CNTN5: variants seen among roughly 807,000 people sequenced by gnomAD.
CNTN5 encodes contactin-5.
Under a neutral mutation model 129.1 loss-of-function variants are expected in CNTN5, and 77 were observed. That is an observed-to-expected ratio of 0.60 (90% confidence interval 0.50 to 0.72). The LOEUF (loss-of-function observed/expected upper bound fraction) is 0.72. Among genes scored for constraint, CNTN5 ranks in the 30% least tolerant of loss-of-function variants. The pLI is 0.00. For missense variants in CNTN5, 1,478 were observed against 1,328.8 expected (o/e 1.11, Z -1.75); for synonymous variants, 509 against 465.6 (o/e 1.09, Z -1.20).
chr11:99,141,717 T>C (rs750300684), intron 1 of CNTN5, among the ~76,000 whole-genome samples: 1 of 152,200 alleles, frequency 6.6e-6, no homozygotes, highest in Non-Finnish European at 1.5e-5. Flanking sequence ...TAGTTTTAAA[T>C]AATGTCTTGA....
chr11:100,244,515 C>T (rs1341674181), intron 16 of CNTN5, among the ~76,000 whole-genome samples: 2 of 152,144 alleles, frequency 1.3e-5, no homozygotes, highest in African/African-American at 4.8e-5. Flanking sequence ...CTTTTTATTT[C>T]TATCTTCACA....
In CNTN5 at chr11:99,676,461, C is replaced by G. The variant is rs767065108; in HGVS notation, c.55+120192C>G. Among the ~76,000 whole-genome samples, 94 of 152,234 alleles carry G rather than the reference C, an allele frequency of 6.2e-4. 2 individuals are homozygous for G. The highest frequency in any genetic ancestry group is 2.8e-4 in the Non-Finnish European group (19 of 68,010). On this transcript the variant is annotated intron_variant, in intron 3 of 24. Transcript: ENST00000524871. ...CATTATGGGATTTTTCCAAGAAATA[C>G]ATTTCTTTCTCATAGGCCCCTCACC...
rs1393039984 is a variant in CNTN5, at chr11:99,636,080, G to A, written c.55+79811G>A. Among the ~76,000 whole-genome samples the A allele has an allele frequency of 2.2e-5, 3 of 134,288 alleles. No homozygotes were observed. The East Asian group carries it at 6.4e-4, about 29-fold the overall frequency. The allele number at this position is 134,288 out of a possible 152,430, so 88.1% of individuals were successfully genotyped here. On this transcript the variant is annotated intron_variant, in intron 3 of 24. Transcript: ENST00000524871. ...ACTGAAGTAGAAAACTATATAACTAGGAAAGCATTTTTTTTTAATGTTCTG... is the reference window on the plus strand; with the variant it reads ...ACTGAAGTAGAAAACTATATAACTAAGAAAGCATTTTTTTTTAATGTTCTG...
At chr11:99,740,429 T>G (rs1261884146) in intron 3 of CNTN5, among the ~76,000 whole-genome samples, 1 of 152,220 alleles carries the variant, frequency 6.6e-6, no homozygotes, top group Non-Finnish European at 1.5e-5. Context: ...TGGTAATGCA[T>G]TCTATAAATA....
At chr11:99,316,417 A>G (rs1166477061) in intron 1 of CNTN5, among the ~76,000 whole-genome samples, 3 of 152,216 alleles carry the variant, frequency 2.0e-5, no homozygotes, top group Non-Finnish European at 4.4e-5. Flanking sequence ...AGTAAATTCT[A>G]GAATTTCTTA....
chr11:99,170,338 A>G (rs78217644), intron 1 of CNTN5, among the ~76,000 whole-genome samples: 3 of 152,160 alleles, frequency 2.0e-5, no homozygotes, highest in African/African-American at 7.2e-5. Context: ...TCGCAGTCAG[A>G]TGTGTACCAA....
Position 99,844,840 on chromosome 11 carries a change from T to C in CNTN5, c.278-12T>C. 1 of 1,605,210 alleles carries C rather than the reference T, an allele frequency of 6.2e-7. No individual in the cohort carries two copies. The highest frequency in any genetic ancestry group is 8.5e-7 in the Non-Finnish European group (1 of 1,176,336). The stretch of plus-strand genomic sequence containing the variant: ...TAAGGAAATTTAAAATGTGTCTGTT[T>C]TGTCTTTACAGAAAGTGTGGACTAT... On this transcript the variant is annotated splice_polypyrimidine_tract_variant and intron_variant, in intron 4 of 24. Coordinates refer to ENST00000524871, the MANE Select transcript of CNTN5 (RefSeq NM_014361.4).
intron 1 of CNTN5, among the ~76,000 whole-genome samples, chr11:99,177,840 A>G (rs1249324460): frequency 6.6e-6 from 1 of 152,214 alleles, no homozygotes; most frequent in African/African-American, 2.4e-5. Context: ...TGAATTCAGC[A>G]AAGTCATATA....
chr11:99,689,126 G>A (rs1218596524), intron 3 of CNTN5, among the ~76,000 whole-genome samples: 1 of 152,122 alleles, frequency 6.6e-6, no homozygotes, highest in Non-Finnish European at 1.5e-5. Context: ...ATACCCAGTA[G>A]TGGGATTGCT....
chr11:100,264,837 A>C (rs1950270725), intron 17 of CNTN5, among the ~76,000 whole-genome samples: 1 of 152,172 alleles, frequency 6.6e-6, no homozygotes, highest in Non-Finnish European at 1.5e-5. Context: ...GAGCTAATTT[A>C]CATTCCCACC....
intron 1 of CNTN5, among the ~76,000 whole-genome samples, chr11:99,052,157 T>C (rs753974465): frequency 6.6e-6 from 1 of 151,874 alleles, no homozygotes; most frequent in African/African-American, 2.4e-5. Context: ...GGATATTGTA[T>C]GCATGTTACA....
At chr11:99,688,537 T>A (rs1251127835) in intron 3 of CNTN5, among the ~76,000 whole-genome samples, 1 of 152,196 alleles carries the variant, frequency 6.6e-6, no homozygotes, top group African/African-American at 2.4e-5. Flanking sequence ...TCGTGTAAAC[T>A]ACTCTATGTG....
chr11:100,193,119 T>G (rs1400140657), intron 14 of CNTN5, among the ~76,000 whole-genome samples: 1 of 151,976 alleles, frequency 6.6e-6, no homozygotes, highest in Non-Finnish European at 1.5e-5. Context: ...ACCTTTTTAT[T>G]GTAAAAAATC....
At chr11:100,025,493 G>A (rs542024499) in intron 9 of CNTN5, among the ~76,000 whole-genome samples, 5 of 152,208 alleles carry the variant, frequency 3.3e-5, no homozygotes, top group East Asian at 3.9e-4. Context: ...TGTGAGAAGC[G>A]GTTCACTGTC....
intron 3 of CNTN5, among the ~76,000 whole-genome samples, chr11:99,697,235 T>C (rs1954309358): frequency 1.3e-5 from 2 of 151,872 alleles, no homozygotes; most frequent in African/African-American, 4.8e-5. Flanking sequence ...AACATAACTC[T>C]TCTGTGTGTT....
At chr11:99,378,598 A>G (rs1312954344) in intron 2 of CNTN5, among the ~76,000 whole-genome samples, 1 of 152,138 alleles carries the variant, frequency 6.6e-6, no homozygotes, top group African/African-American at 2.4e-5. Flanking sequence ...CACAGACTTC[A>G]TATATATACT....
intron 2 of CNTN5, among the ~76,000 whole-genome samples, chr11:99,360,109 C>T (rs191102069): frequency 2.0e-5 from 3 of 151,910 alleles, no homozygotes; most frequent in African/African-American, 2.4e-5. Flanking sequence ...AACATTAAAC[C>T]GTAAGACTTG....
At chr11:99,587,593 C>T (rs1376001700) in intron 3 of CNTN5, among the ~76,000 whole-genome samples, 1 of 151,854 alleles carries the variant, frequency 6.6e-6, no homozygotes, top group Non-Finnish European at 1.5e-5. Flanking sequence ...TGGTACGTTT[C>T]TTCTTTCCAA....
chr11:99,033,161 G>A lies in CNTN5; in HGVS notation c.-210+11891G>A, dbSNP rs1257364911. ...TTGGTACCAGTACCATGCTGTTTTA[G>A]TTACTGTAGCCTTGTAGTATAGTTT... On this transcript the variant is annotated intron_variant, in intron 1 of 24. Transcript: ENST00000524871. Among the ~76,000 whole-genome samples the A allele has an allele frequency of 3.3e-5, 5 of 151,144 alleles. No homozygotes were observed. In the East Asian group the frequency reaches 9.7e-4, roughly 29 times the overall value.
Sources: gnomAD v4.1 joint callset for allele counts (sites outside exome capture counted in the v4.1 genomes callset) on GRCh38, gnomAD v4.1.1 for gene constraint, MANE v1.5 for transcripts, NCBI Gene and HGNC (gene_info 2026-07-23, HGNC 2026-07-21) for gene names.